TRIM2: variants seen among roughly 807,000 people sequenced by gnomAD.
The protein encoded by TRIM2 is tripartite motif-containing protein 2.
In TRIM2, 20 loss-of-function variants were observed where a neutral mutation model predicts 75.2. The observed-to-expected ratio is 0.27, with a 90% confidence interval of 0.19 to 0.39. The LOEUF (loss-of-function observed/expected upper bound fraction) is 0.39, where lower values mean the gene tolerates loss of function less well. Ranked by LOEUF, TRIM2 falls within the 10% of genes least tolerant of loss-of-function variation. The pLI, the probability that TRIM2 is intolerant of heterozygous loss-of-function variation, is 1.00. For missense variants in TRIM2, 660 were observed against 990.8 expected (o/e 0.67, Z 4.48); for synonymous variants, 373 against 388.3 (o/e 0.96, Z 0.46).
intron 1 of TRIM2, among the ~76,000 whole-genome samples, chr4:153,244,167 T>G (rs1313024691): frequency 7.0e-6 from 1 of 142,950 alleles, no homozygotes; most frequent in African/African-American, 2.9e-5. Flanking sequence ...TTCTTCTTCT[T>G]CTTCTTCTTC....
chr4:153,234,942 C>T (rs547705279), intron 1 of TRIM2, among the ~76,000 whole-genome samples: 45 of 152,322 alleles, frequency 3.0e-4, no homozygotes, highest in African/African-American at 1.1e-3. Context: ...TCCCCGTGCC[C>T]TGTCCCACCC....
intron 8 of TRIM2, among the ~76,000 whole-genome samples, chr4:153,316,873 C>CT (rs11397245): frequency 0.43 from 25,420 of 59,316 alleles, 7,339 homozygotes; most frequent in East Asian, 0.65. Flanking sequence ...TGCATTATGC[C>CT]TTTTTTTTTT....
In TRIM2 at chr4:153,322,672, A is replaced by G; in HGVS notation, c.1807A>G (p.Met603Val). ...GACAAAAATTGGATCAGGAAAGCTG[A>G]TGGGACCCAAAGGAGTTTCTGTGGA... ...FKTKIGSGKL[M>V]GPKGVSVDRN... Residue 603 changes from methionine (M) to valine (V), a missense_variant, in exon 9 of 12, where the codon ATG becomes GTG. Physicochemically the swap from Met to Val is conservative, Grantham distance 21. Coordinates refer to ENST00000338700, the MANE Select transcript of TRIM2 (RefSeq NM_015271.5). 2 of 1,613,976 alleles carry G rather than the reference A, an allele frequency of 1.2e-6. No individual in the cohort carries two copies. Among genetic ancestry groups the G allele is most frequent in the South Asian group, 2.2e-5 (2 of 91,032 alleles).
intron 1 of TRIM2, among the ~76,000 whole-genome samples, chr4:153,247,536 G>A (rs1749536308): frequency 6.6e-6 from 1 of 152,042 alleles, no homozygotes; most frequent in African/African-American, 2.4e-5. Flanking sequence ...AAATTAGCTG[G>A]ACATGGTGGC....
At chr4:153,188,929 C>G (rs2149654525) in intron 1 of TRIM2, among the ~76,000 whole-genome samples, 1 of 152,124 alleles carries the variant, frequency 6.6e-6, no homozygotes, top group East Asian at 1.9e-4. Flanking sequence ...TAACCTGGCC[C>G]CTGCTTACCA....
intron 1 of TRIM2, among the ~76,000 whole-genome samples, chr4:153,230,534 CCAAA>C (rs1388959974): frequency 1.3e-5 from 2 of 152,168 alleles, no homozygotes; most frequent in Admixed American, 1.3e-4. Flanking sequence ...AAAAAACACA[CCAAA>C]CAAACACTTG....
At chr4:153,161,965 A>G (rs970178916) in intron 1 of TRIM2, among the ~76,000 whole-genome samples, 3 of 152,252 alleles carry the variant, frequency 2.0e-5, no homozygotes, top group African/African-American at 4.8e-5. Context: ...GATTAAGCAT[A>G]AACCTCCGAA....
chr4:153,308,100 A>T (rs147188569), intron 6 of TRIM2: 1 of 888,798 alleles, frequency 1.1e-6, no homozygotes, highest in Non-Finnish European at 1.9e-6. Context: ...GAAGTGGGAC[A>T]TGCTCCGCTC....
chr4:153,260,492 G>C (rs1227762928), intron 1 of TRIM2, among the ~76,000 whole-genome samples: 1 of 152,086 alleles, frequency 6.6e-6, no homozygotes, highest in Non-Finnish European at 1.5e-5. Flanking sequence ...ATAAAGACAA[G>C]TCAGGGGCTC....
At chr4:153,167,115 A>G (rs1335940483) in intron 1 of TRIM2, among the ~76,000 whole-genome samples, 1 of 152,254 alleles carries the variant, frequency 6.6e-6, no homozygotes, top group African/African-American at 2.4e-5. Context: ...ACCTTGGTCA[A>G]GTTCCCTAAG....
At chr4:153,221,513 T>G (rs148303662) in intron 1 of TRIM2, among the ~76,000 whole-genome samples, 1 of 152,330 alleles carries the variant, frequency 6.6e-6, no homozygotes, top group East Asian at 1.9e-4. Flanking sequence ...CCTATAACCC[T>G]CTGTCCATAC....
chr4:153,244,349 T>TTCCTCTTCCTCTTCC (rs1560874161), intron 1 of TRIM2, among the ~76,000 whole-genome samples: 1 of 30,476 alleles, frequency 3.3e-5, no homozygotes, highest in East Asian at 5.8e-4. Flanking sequence ...CTTCTTCTTC[T>TTCCTCTTCCTCTTCC]TCTTCCTCTT....
At chr4:153,260,706 A>T (rs202190524) in intron 1 of TRIM2, among the ~76,000 whole-genome samples, 11,736 of 47,886 alleles carry the variant, frequency 0.25, 1,554 homozygotes, top group Middle Eastern at 0.33. Context: ...CCCCCCACAC[A>T]CACACACACA....
At position 153,295,807 on chromosome 4, in the gene TRIM2, C is replaced by CTT. The variant is rs1293774772; in HGVS notation, c.1283_1284dup (p.Thr429LeufsTer5). The CTT allele has an allele frequency of 6.2e-7, 1 of 1,614,086 alleles. No homozygotes were observed. ...TGTACACTGTCCAGAAGGAAGGGGA[C>CTT]TTTACCCTGTCTCTGAGACTCTATG... On this transcript the variant is annotated frameshift_variant, in exon 6 of 12. Coordinates refer to ENST00000338700, the MANE Select transcript of TRIM2 (RefSeq NM_015271.5). LOFTEE classifies it high-confidence loss of function. The surrounding 1 kb of genome is among the most constrained non-coding windows in gnomAD (Gnocchi z 7.2).
chr4:153,322,913 G>A, intron 9 of TRIM2, 97 bp downstream of exon 9: 1 of 1,470,570 alleles, frequency 6.8e-7, no homozygotes, highest in Admixed American at 2.0e-5. Context: ...CATCCCTAGT[G>A]TGTTTGCTGG....
At chr4:153,323,622 C>T (rs1268693764) in intron 9 of TRIM2, among the ~76,000 whole-genome samples, 3 of 152,204 alleles carry the variant, frequency 2.0e-5, no homozygotes, top group South Asian at 2.1e-4. Context: ...GCTGGGACTA[C>T]AGGCATGTGC....
chr4:153,335,235 T>C lies in TRIM2; in HGVS notation c.*269T>C. 8.9e-7 allele frequency: 1 copy of C among 1,127,260 alleles called. No individual in the cohort carries two copies. 69.8% of individuals were successfully genotyped at this position (1,127,260 alleles called of 1,614,324 possible). On this transcript the variant is annotated 3_prime_UTR_variant, in exon 12 of 12. Transcript: ENST00000338700. ...ACTATGGCTTAAGGGACAGGATTTA[T>C]GTAGCTAAACTAATTTTGCAAATCA...
rs1215960492 is a variant in TRIM2 at position 153,336,848 on chromosome 4, A to G, written c.*1882A>G. ...AGGTTTAATATTTTTTTAGTTAGGTAGAGTTTTAAAAAATACTTGAGCCTG... is the reference window on the plus strand; with the variant it reads ...AGGTTTAATATTTTTTTAGTTAGGTGGAGTTTTAAAAAATACTTGAGCCTG... On this transcript the variant is annotated 3_prime_UTR_variant, in exon 12 of 12. Transcript: ENST00000338700. 1 of 985,470 alleles carries G rather than the reference A, an allele frequency of 1.0e-6. No individual in the cohort carries two copies. Among genetic ancestry groups the G allele is most frequent in the Non-Finnish European group, 1.2e-6 (1 of 829,572 alleles). The allele number at this position is 985,470 out of a possible 1,614,324, so 61.0% of individuals were successfully genotyped here. A position where few individuals can be genotyped will look rare whatever the true frequency, so the allele number is the denominator to read the frequency against.
intron 1 of TRIM2, among the ~76,000 whole-genome samples, chr4:153,247,644 CT>C (rs1749567057): frequency 7.3e-6 from 1 of 136,180 alleles, no homozygotes; most frequent in African/African-American, 2.7e-5. Context: ...CGCCACCACA[CT>C]CCAGCCTGGG....
Sources: gnomAD v4.1 joint callset for allele counts (sites outside exome capture counted in the v4.1 genomes callset) on GRCh38, gnomAD v4.1.1 for gene constraint, Gnocchi (gnomAD v3.1) non-coding constraint, MANE v1.5 for transcripts, NCBI Gene and HGNC (gene_info 2026-07-23, HGNC 2026-07-21) for gene names.